DOCK2: variants seen among roughly 807,000 people sequenced by gnomAD.
DOCK2 encodes the protein dedicator of cytokinesis 2.
Under a neutral mutation model 248.9 loss-of-function variants are expected in DOCK2, and 87 were observed. That is an observed-to-expected ratio of 0.35 (90% CI 0.29 to 0.42). DOCK2 has a LOEUF of 0.42. Ranked by LOEUF, DOCK2 falls within the 10% of genes least tolerant of loss-of-function variation. The probability of loss-of-function intolerance (pLI) is 1.00; values close to 1 mark genes in which losing one functional copy is unlikely to be tolerated. For missense variants in DOCK2, 1,747 were observed against 2,300.2 expected (o/e 0.76, Z 4.92); for synonymous variants, 805 against 821.6 (o/e 0.98, Z 0.35).
chr5:169,721,075 G>A (rs751057850), intron 22 of DOCK2, among the ~76,000 whole-genome samples: 4 of 152,174 alleles, frequency 2.6e-5, no homozygotes, highest in Non-Finnish European at 5.9e-5. Context: ...TCCATCTACT[G>A]GGACAAAATA....
chr5:169,646,777 C>T (rs1296963498), intron 1 of DOCK2, among the ~76,000 whole-genome samples: 1 of 152,182 alleles, frequency 6.6e-6, no homozygotes, highest in Admixed American at 6.5e-5. Context: ...GCAAAATGTG[C>T]TTATTTTACT....
chr5:169,705,069 C>T (rs892033361), intron 14 of DOCK2, among the ~76,000 whole-genome samples: 9 of 151,884 alleles, frequency 5.9e-5, no homozygotes, highest in African/African-American at 9.7e-5. Context: ...GGCTGAGGCA[C>T]GAGAATTGCT....
At chr5:169,880,573 A>G (rs1373259831) in intron 27 of DOCK2, among the ~76,000 whole-genome samples, 1 of 152,232 alleles carries the variant, frequency 6.6e-6, no homozygotes, top group Non-Finnish European at 1.5e-5. Flanking sequence ...GCTTCCAGCT[A>G]AGGGGGCATT....
intron 27 of DOCK2, among the ~76,000 whole-genome samples, chr5:169,851,531 G>GA (rs1362008430): frequency 6.6e-6 from 1 of 152,200 alleles, no homozygotes; most frequent in East Asian, 1.9e-4. Context: ...TAATGATGAT[G>GA]ATGTCACTGC....
chr5:169,949,298 A>T (rs1561845468), intron 27 of DOCK2, among the ~76,000 whole-genome samples: 1 of 152,094 alleles, frequency 6.6e-6, no homozygotes, highest in East Asian at 1.9e-4. Context: ...CCCAGGAGGG[A>T]GATCATAATA....
At chr5:170,057,750 A>AAAAGGAG in intron 44 of DOCK2, 84 bp downstream of exon 44, 1 of 1,222,230 alleles carries the variant, frequency 8.2e-7, no homozygotes, top group Non-Finnish European at 1.1e-6. Flanking sequence ...TTTGACTTTA[A>AAAAGGAG]AAAGGAGACA....
intron 48 of DOCK2, among the ~76,000 whole-genome samples, chr5:170,078,763 T>C (rs1362189162): frequency 1.3e-5 from 2 of 152,206 alleles, no homozygotes; most frequent in East Asian, 1.9e-4. Context: ...TTACCACGAA[T>C]AAAATAAAGT....
At chr5:169,992,089 G>T (rs1026394719) in intron 29 of DOCK2, among the ~76,000 whole-genome samples, 1 of 152,184 alleles carries the variant, frequency 6.6e-6, no homozygotes, top group Non-Finnish European at 1.5e-5. Context: ...GATTCTGCAG[G>T]CCGTGTAACT....
At chr5:169,761,301 A>G in intron 24 of DOCK2, 4 of 506,428 alleles carry the variant, frequency 7.9e-6, no homozygotes, top group East Asian at 3.3e-5. Flanking sequence ...GCTCAGGGCT[A>G]TGGGTATTTT....
chr5:170,045,711 C>A lies in DOCK2; in HGVS notation c.3877-105C>A, dbSNP rs554560288. 5.3e-6 allele frequency: 6 copies of A among 1,139,514 alleles called. No individual in the cohort carries two copies. The Admixed American group carries it at 1.0e-4, about 19-fold the overall frequency. 70.6% of individuals were successfully genotyped at this position (1,139,514 alleles called of 1,614,324 possible). ...GTGGATCTGGGTCAGAGCAAGGTTT[C>A]CCCTCAGTCCCAGGAAGCACAGCTA... On this transcript the variant is annotated intron_variant, in intron 38 of 51. Coordinates refer to ENST00000520908, the MANE Select transcript of DOCK2 (RefSeq NM_004946.3).
At chr5:169,860,904 A>G (rs1012060918) in intron 27 of DOCK2, among the ~76,000 whole-genome samples, 2 of 152,248 alleles carry the variant, frequency 1.3e-5, no homozygotes, top group Non-Finnish European at 2.9e-5. Flanking sequence ...TTTTTATTTC[A>G]TATTCTATTT....
chr5:169,700,260 C>A, intron 13 of DOCK2, 121 bp downstream of exon 13: 2 of 1,409,610 alleles, frequency 1.4e-6, no homozygotes, highest in Admixed American at 2.6e-5. Flanking sequence ...CATTTCTGTC[C>A]CTGAAGGTAA....
At chr5:169,900,011 A>C (rs774368229) in intron 27 of DOCK2, among the ~76,000 whole-genome samples, 1 of 152,146 alleles carries the variant, frequency 6.6e-6, no homozygotes, top group African/African-American at 2.4e-5. Context: ...GGTCTCCAGC[A>C]CTCGAAACCA....
At position 170,042,272 on chromosome 5, in the gene DOCK2, T is replaced by C. The variant is rs1220529789; in HGVS notation, c.3876+140T>C. On this transcript the variant is annotated intron_variant, in intron 38 of 51. Transcript: ENST00000520908. ...ACTCTGATCACTTCTCTCCACTTCC[T>C]CTCCATCTCCATTCCTTCCACCTCC... 5 of 1,085,942 alleles carry C rather than the reference T, an allele frequency of 4.6e-6. No individual in the cohort carries two copies. The African/African-American group carries it at 6.4e-5, about 14-fold the overall frequency. 67.3% of individuals were successfully genotyped at this position (1,085,942 alleles called of 1,614,324 possible).
intron 27 of DOCK2, among the ~76,000 whole-genome samples, chr5:169,841,773 A>G (rs932855523): frequency 4.6e-5 from 7 of 152,080 alleles, no homozygotes; most frequent in African/African-American, 1.7e-4. Flanking sequence ...TTATTTTTCT[A>G]ATTACGTATA....
chr5:169,870,221 G>A (rs1771865102), intron 27 of DOCK2, among the ~76,000 whole-genome samples: 1 of 152,184 alleles, frequency 6.6e-6, no homozygotes, highest in South Asian at 2.1e-4. Context: ...GAAATGGTAA[G>A]AACTTTCAGG....
At chr5:169,688,099 T>A (rs1040634479) in intron 8 of DOCK2, among the ~76,000 whole-genome samples, 1 of 152,138 alleles carries the variant, frequency 6.6e-6, no homozygotes, top group Non-Finnish European at 1.5e-5. Context: ...TAATTTTTTA[T>A]ATTTTTAGTA....
intron 27 of DOCK2, among the ~76,000 whole-genome samples, chr5:169,865,001 G>A (rs746197957): frequency 2.6e-5 from 4 of 152,158 alleles, no homozygotes; most frequent in South Asian, 2.1e-4. Flanking sequence ...TTCTATTACC[G>A]CTATCATCAT....
At chr5:169,709,394 G>A (rs1375849884) in intron 15 of DOCK2, among the ~76,000 whole-genome samples, 3 of 152,076 alleles carry the variant, frequency 2.0e-5, no homozygotes, top group Admixed American at 2.0e-4. Context: ...AATACTAAGT[G>A]GTGTTTTATT....
Sources: allele counts gnomAD v4.1 joint callset (sites outside exome capture counted in the v4.1 genomes callset), GRCh38; gene constraint gnomAD v4.1.1; transcripts MANE v1.5; gene names NCBI Gene and HGNC (gene_info 2026-07-23, HGNC 2026-07-21).